SFMBT2: variants seen among roughly 807,000 people sequenced by gnomAD.
SFMBT2 encodes the protein Scm like with four mbt domains 2, also known as scm-like with four MBT domains protein 2.
Under a neutral mutation model 110.1 loss-of-function variants are expected in SFMBT2, and 38 were observed. The observed-to-expected ratio is 0.35, with a 90% CI of 0.27 to 0.45. SFMBT2 has a LOEUF of 0.45. Among genes scored for constraint, SFMBT2 ranks in the 20% least tolerant of loss-of-function variants. The pLI is 1.00. For missense variants in SFMBT2, 1,011 were observed against 1,094.9 expected, an observed-to-expected ratio of 0.92 and a Z score of 1.08; for synonymous variants, 425 against 425.4, an observed-to-expected ratio of 1.00 and a Z score of 0.01.
At chr10:7,368,539 G>T (rs1327987483) in intron 3 of SFMBT2, among the ~76,000 whole-genome samples, 1 of 152,156 alleles carries the variant, frequency 6.6e-6, no homozygotes, top group Non-Finnish European at 1.5e-5. Context: ...TTTAAACCTG[G>T]CATACGGACC....
intron 4 of SFMBT2, among the ~76,000 whole-genome samples, chr10:7,333,465 T>A (rs2131965521): frequency 6.6e-6 from 1 of 150,444 alleles, no homozygotes; most frequent in African/African-American, 2.4e-5. Context: ...TGATCATAGC[T>A]CACTACCACC....
intron 1 of SFMBT2, among the ~76,000 whole-genome samples, chr10:7,394,706 T>C (rs545317861): frequency 6.6e-6 from 1 of 152,282 alleles, no homozygotes; most frequent in Non-Finnish European, 1.5e-5. Flanking sequence ...TCATAAACTG[T>C]CTAAAGCACC....
chr10:7,217,481 G>T lies in SFMBT2; in HGVS notation c.1330+2930C>A, dbSNP rs564400781. Reference sequence around the variant, plus strand: ...GTCTCATTTGAAGTGCATGTAAGTGGCGCGCATGTATATATTTAGCCAGGT... The same window carrying T: ...GTCTCATTTGAAGTGCATGTAAGTGTCGCGCATGTATATATTTAGCCAGGT... On this transcript the variant is annotated intron_variant, in intron 11 of 20. Transcript: ENST00000397167. Among the ~76,000 whole-genome samples the T allele has an allele frequency of 2.0e-4, 31 of 152,214 alleles. No homozygotes were observed. In the South Asian group the frequency reaches 5.0e-3, roughly 24 times the overall value.
chr10:7,220,344 C>T (rs966161050), intron 11 of SFMBT2, 67 bp downstream of exon 11: 1 of 1,403,464 alleles, frequency 7.1e-7, no homozygotes. Context: ...CTGCTTTCCT[C>T]CACACGTTGC....
intron 6 of SFMBT2, among the ~76,000 whole-genome samples, chr10:7,282,996 G>T (rs1841990125): frequency 1.3e-5 from 2 of 152,208 alleles, no homozygotes; most frequent in South Asian, 4.2e-4. Flanking sequence ...CGGTAAGAGG[G>T]GTGGGAGGGG....
rs1003032142 is a variant in SFMBT2, at chr10:7,172,191, G to A, written c.2152-33C>T. 9 of 1,522,980 alleles carry A rather than the reference G, an allele frequency of 5.9e-6. No homozygotes were observed. The highest frequency in any genetic ancestry group is 1.8e-6 in the Non-Finnish European group (2 of 1,134,806). The allele number at this position is 1,522,980 out of a possible 1,614,324, so 94.3% of individuals were successfully genotyped here. A position where few individuals can be genotyped will look rare whatever the true frequency, so the allele number is the denominator to read the frequency against. ...GGAGGAAAAGGCATTTAAGGGGCTG[G>A]TGGCCCGGGGGCCTGTAGCGGTGGC... On this transcript the variant is annotated intron_variant, in intron 18 of 20. Coordinates refer to ENST00000397167, the MANE Select transcript of SFMBT2 (RefSeq NM_001387889.1). The surrounding 1 kb of genome is among the most constrained non-coding windows in gnomAD (Gnocchi z 4.6).
At chr10:7,214,641 C>A (rs368924786) in intron 11 of SFMBT2, 1 of 985,398 alleles carries the variant, frequency 1.0e-6, no homozygotes, top group Non-Finnish European at 1.2e-6. Flanking sequence ...ACCTGCCTTG[C>A]ACGTAAGTGC....
Position 7,407,522 on chromosome 10 carries a change from G to A in SFMBT2, c.-52+3339C>T, listed in dbSNP as rs114684212. ...CTGCGGGAGCCCTCAGGACGCGGCT[G>A]GGGTTGGTGCGCGGGGCCCCGGAAC... On this transcript the variant is annotated intron_variant, in intron 1 of 20. Coordinates refer to ENST00000397167, the MANE Select transcript of SFMBT2 (RefSeq NM_001387889.1). Among the ~76,000 whole-genome samples the A allele has an allele frequency of 5.3e-3, 804 of 152,184 alleles. 10 individuals are homozygous for A. Among genetic ancestry groups the A allele is most frequent in the African/African-American group, 0.018 (756 of 41,512 alleles).
At chr10:7,264,946 A>G (rs1841332531) in intron 7 of SFMBT2, among the ~76,000 whole-genome samples, 1 of 151,920 alleles carries the variant, frequency 6.6e-6, no homozygotes. Flanking sequence ...GGAAAAAAAA[A>G]AAAAAAAAAA....
At chr10:7,384,157 G>T (rs1346468802) in intron 1 of SFMBT2, among the ~76,000 whole-genome samples, 1 of 131,138 alleles carries the variant, frequency 7.6e-6, no homozygotes, top group African/African-American at 2.9e-5. Flanking sequence ...GTTGTGGTGA[G>T]CTGAGATCGC....
intron 2 of SFMBT2, among the ~76,000 whole-genome samples, chr10:7,372,321 A>T (rs1845085595): frequency 6.6e-6 from 1 of 152,214 alleles, no homozygotes; most frequent in Non-Finnish European, 1.5e-5. Flanking sequence ...AAGTCAGAAG[A>T]GCTGAATTGA....
chr10:7,353,492 A>C (rs1844393636), intron 4 of SFMBT2, among the ~76,000 whole-genome samples: 1 of 122,658 alleles, frequency 8.2e-6, no homozygotes, highest in African/African-American at 2.9e-5. Flanking sequence ...TAAATCATAA[A>C]GAAAAAAAAA....
At chr10:7,216,429 G>A (rs540137872) in intron 11 of SFMBT2, among the ~76,000 whole-genome samples, 16 of 152,232 alleles carry the variant, frequency 1.1e-4, no homozygotes, top group East Asian at 5.8e-4. Flanking sequence ...TCCTGCCGCC[G>A]CCATGTAAGA....
intron 7 of SFMBT2, among the ~76,000 whole-genome samples, chr10:7,273,874 G>T (rs7086653): frequency 0.53 from 81,250 of 152,032 alleles, 22,161 homozygotes; most frequent in East Asian, 0.79. Context: ...AGTGTGGCGA[G>T]TCCTCAAGGA....
At chr10:7,399,469 T>A (rs1329949458) in intron 1 of SFMBT2, among the ~76,000 whole-genome samples, 1 of 152,118 alleles carries the variant, frequency 6.6e-6, no homozygotes, top group Non-Finnish European at 1.5e-5. Flanking sequence ...TGACCTCAAG[T>A]GATCTGCCTG....
chr10:7,317,635 C>T (rs1474820940), intron 4 of SFMBT2, among the ~76,000 whole-genome samples: 56 of 51,490 alleles, frequency 1.1e-3, no homozygotes, highest in African/African-American at 4.4e-3. Context: ...GAACAAAACT[C>T]CGTCTCAAAA....
At chr10:7,295,840 C>T (rs1842393769) in intron 4 of SFMBT2, among the ~76,000 whole-genome samples, 1 of 152,184 alleles carries the variant, frequency 6.6e-6, no homozygotes, top group African/African-American at 2.4e-5. Flanking sequence ...AACACCAATA[C>T]TGTTCATTTC....
intron 11 of SFMBT2, 99 bp from the exon 12 acceptor site, chr10:7,206,027 C>T (rs1418065774): frequency 1.3e-6 from 2 of 1,506,734 alleles, no homozygotes; most frequent in Admixed American, 2.2e-5. Context: ...TGGGGAAAAA[C>T]ATTCCTTTAT....
In SFMBT2 at chr10:7,162,293, T is replaced by C. The variant is rs555622026; in HGVS notation, c.*1477A>G. On this transcript the variant is annotated 3_prime_UTR_variant, in exon 21 of 21. Transcript: ENST00000397167. ...CTTTCTTTTTCTAATTTTTGTACGA[T>C]CTGGATCTTCCTTTCCAGCATGAGT... is the stretch of plus-strand genomic sequence containing the variant. 1.3e-5 allele frequency: 2 copies of C among 152,346 alleles called. No individual in the cohort carries two copies. The highest frequency in any genetic ancestry group is 4.1e-4 in the South Asian group (2 of 4,826). The allele number at this position is 152,346 out of a possible 1,614,324, so 9.4% of individuals were successfully genotyped here.
Sources: gnomAD v4.1 joint callset for allele counts (sites outside exome capture counted in the v4.1 genomes callset) on GRCh38, gnomAD v4.1.1 for gene constraint, Gnocchi (gnomAD v3.1) non-coding constraint, MANE v1.5 for transcripts, NCBI Gene and HGNC (gene_info 2026-07-23, HGNC 2026-07-21) for gene names.